Variants in NPLOC4 observed in about 807,000 individuals in gnomAD.
NPLOC4 encodes NPL4 homolog, ubiquitin recognition factor.
NPLOC4 carries 18 observed loss-of-function variants against 80.6 expected under a neutral mutation model. The observed-to-expected ratio is 0.22, with a 90% confidence interval of 0.15 to 0.33. The LOEUF is 0.33. Ranked by LOEUF, NPLOC4 falls within the 10% of genes least tolerant of loss-of-function variation. The pLI is 1.00. For synonymous variants in NPLOC4, 313 were observed against 301.5 expected (o/e 1.04, Z -0.39); for missense variants, 540 against 786.1 (o/e 0.69, Z 3.74).
chr17:81,566,091 T>TCAGAGG (rs1171097030), intron 15 of NPLOC4, among the ~76,000 whole-genome samples: 1 of 152,162 alleles, frequency 6.6e-6, no homozygotes. Flanking sequence ...CCCAACACTT[T>TCAGAGG]CAGAGGCAGA....
chr17:81,589,790 G>C (rs1185336847), intron 11 of NPLOC4, among the ~76,000 whole-genome samples: 8 of 151,374 alleles, frequency 5.3e-5, no homozygotes, highest in African/African-American at 1.5e-4. Context: ...TTGAGCCCAG[G>C]AGTTTGAGAC....
chr17:81,572,049 G>C lies in NPLOC4; in HGVS notation c.1321C>G (p.Arg441Gly). 6.2e-7 allele frequency: 1 copy of C among 1,608,256 alleles called. No homozygotes were observed. Among genetic ancestry groups the C allele is most frequent in the Non-Finnish European group, 8.5e-7 (1 of 1,176,768 alleles). The change falls in exon 13 of 17, where the codon CGG (arginine) becomes GGG (glycine). Residue 441 changes from arginine to glycine, a missense_variant. Arg to Gly is a moderately radical substitution (Grantham distance 125). Transcript: ENST00000331134. The surrounding 1 kb of genome is among the most constrained non-coding windows in gnomAD (Gnocchi z 4.5). ...ATGAGATACTCCACAGGCAGGGGCC[G>C]GGCCAGCTGGGTGATCTCGTTGCCA... Reference protein sequence around the residue: ...KFGNEITQLARPLPVEYLIID... With the variant: ...KFGNEITQLAGPLPVEYLIID...
intron 11 of NPLOC4, among the ~76,000 whole-genome samples, chr17:81,594,768 G>A (rs1302077530): frequency 4.7e-5 from 7 of 150,172 alleles, no homozygotes; most frequent in African/African-American, 9.9e-5. Flanking sequence ...GCGAGACTCC[G>A]TCTCTAGGGA....
At chr17:81,588,417 G>A (rs2034647100) in intron 12 of NPLOC4, among the ~76,000 whole-genome samples, 1 of 152,206 alleles carries the variant, frequency 6.6e-6, no homozygotes, top group Admixed American at 6.5e-5. Flanking sequence ...CTGTAGTGCA[G>A]TGGCACAATC....
intron 12 of NPLOC4, among the ~76,000 whole-genome samples, chr17:81,579,989 G>A (rs573558799): frequency 1.9e-4 from 29 of 152,178 alleles, no homozygotes; most frequent in African/African-American, 6.5e-4. Flanking sequence ...CTGAGCTGCT[G>A]AAGGCAAAGC....
chr17:81,623,537 G>A (rs955814350), intron 2 of NPLOC4, among the ~76,000 whole-genome samples: 1 of 149,564 alleles, frequency 6.7e-6, no homozygotes, highest in Non-Finnish European at 1.5e-5. Flanking sequence ...GGTGGCTGAC[G>A]CCTGTAATCC....
At chr17:81,614,549 C>T (rs1020399295) in intron 3 of NPLOC4, among the ~76,000 whole-genome samples, 17 of 152,052 alleles carry the variant, frequency 1.1e-4, no homozygotes, top group Non-Finnish European at 2.2e-4. Flanking sequence ...AGGGCAAACT[C>T]CCAGGAGTCA....
intron 3 of NPLOC4, among the ~76,000 whole-genome samples, chr17:81,618,556 G>C (rs796648278): frequency 1.3e-5 from 1 of 75,606 alleles, no homozygotes; most frequent in Non-Finnish European, 2.5e-5. Flanking sequence ...GCCCCCGCCC[G>C]GCCAGCCGCC....
chr17:81,578,896 A>G (rs971878278), intron 12 of NPLOC4, among the ~76,000 whole-genome samples: 2 of 152,240 alleles, frequency 1.3e-5, no homozygotes, highest in Non-Finnish European at 2.9e-5. Flanking sequence ...TAATAAACAT[A>G]CATTTCATTT....
intron 2 of NPLOC4, among the ~76,000 whole-genome samples, chr17:81,623,464 CAAAAAAAAAAA>C (rs60092546): frequency 4.8e-5 from 4 of 82,600 alleles, no homozygotes; most frequent in African/African-American, 1.9e-4. Flanking sequence ...GACTTTGTTT[CAAAAAAAAAAA>C]AAAAAAAAAG....
chr17:81,583,807 C>T (rs2034503651), intron 12 of NPLOC4, among the ~76,000 whole-genome samples: 1 of 152,194 alleles, frequency 6.6e-6, no homozygotes, highest in Admixed American at 6.5e-5. Context: ...AGCTTCTACT[C>T]CCACCCCATG....
intron 12 of NPLOC4, among the ~76,000 whole-genome samples, chr17:81,587,258 G>T (rs568452803): frequency 2.6e-5 from 4 of 152,186 alleles, no homozygotes; most frequent in Admixed American, 1.3e-4. Flanking sequence ...AGGACTGCTC[G>T]AGGCCAGGAG....
intron 11 of NPLOC4, among the ~76,000 whole-genome samples, chr17:81,595,541 TTTTC>T (rs1246743849): frequency 2.2e-4 from 33 of 148,914 alleles, no homozygotes; most frequent in Admixed American, 1.3e-3. Context: ...TATATTTTTT[TTTTC>T]TTTTCTTTTC....
chr17:81,618,099 C>A (rs892960006), intron 3 of NPLOC4, among the ~76,000 whole-genome samples: 3 of 152,060 alleles, frequency 2.0e-5, no homozygotes, highest in African/African-American at 7.2e-5. Flanking sequence ...AAGTGAGGAG[C>A]CTCTCTGCCT....
chr17:81,591,215 A>AC (rs2034728384), intron 11 of NPLOC4, among the ~76,000 whole-genome samples: 1 of 152,076 alleles, frequency 6.6e-6, no homozygotes, highest in African/African-American at 2.4e-5. Flanking sequence ...CAGGCAGATC[A>AC]CCTGAGGTCA....
At chr17:81,575,175 C>T (rs1047891034) in intron 12 of NPLOC4, among the ~76,000 whole-genome samples, 2 of 152,212 alleles carry the variant, frequency 1.3e-5, no homozygotes, top group African/African-American at 4.8e-5. Context: ...TCTCGGCTCA[C>T]TGCAAGCTCC....
At chr17:81,614,015 G>T (rs1440949770) in intron 3 of NPLOC4, among the ~76,000 whole-genome samples, 1 of 152,152 alleles carries the variant, frequency 6.6e-6, no homozygotes, top group East Asian at 1.9e-4. Context: ...GGTGGCTCAT[G>T]CCTGTAATCC....
In NPLOC4 at chr17:81,565,573, G is replaced by A; in HGVS notation, c.1601C>T (p.Thr534Ile). The part of the protein sequence containing the change: ...SISLLLEAVR[T>I]RNEELAQTWK... ...TGTCTGGGCGAGCTCCTCATTTCTG[G>A]TCCGCACGGCCTCCAGCAGCAAGCT... The change falls in exon 16 of 17, where the codon ACC becomes ATC. Residue 534 changes from threonine (T) to isoleucine (I), a missense_variant. Transcript: ENST00000331134. 1 of 1,555,212 alleles carries A rather than the reference G, an allele frequency of 6.4e-7. No homozygotes were observed. Among genetic ancestry groups the A allele is most frequent in the East Asian group, 2.4e-5 (1 of 41,606 alleles).
chr17:81,564,118 A>ACACACACAC lies in NPLOC4; in HGVS notation c.1669+1386_1669+1387insGTGTGTGTG, dbSNP rs1568114631. 514 of 323,556 alleles carry ACACACACAC rather than the reference A, an allele frequency of 1.6e-3. 2 individuals are homozygous for ACACACACAC. The highest frequency in any genetic ancestry group is 3.2e-3 in the Middle Eastern group (3 of 924). 20.0% of individuals were successfully genotyped at this position (323,556 alleles called of 1,614,324 possible). On this transcript the variant is annotated intron_variant, in intron 16 of 16. Transcript: ENST00000331134. ...CACACACACACACACACACACACAC[A>ACACACACAC]AAGAGCAGGGCGGGCTGAAAAACTA...
Sources: gnomAD v4.1 joint callset for allele counts (sites outside exome capture counted in the v4.1 genomes callset) on GRCh38, gnomAD v4.1.1 for gene constraint, Gnocchi (gnomAD v3.1) non-coding constraint, MANE v1.5 for transcripts, NCBI Gene and HGNC (gene_info 2026-07-23, HGNC 2026-07-21) for gene names.